Variants in ZNF317 observed in about 807,000 individuals in gnomAD.
The protein encoded by ZNF317 is zinc finger protein 317.
Under a neutral mutation model 23.4 loss-of-function variants are expected in ZNF317, and 17 were observed. That is an observed-to-expected ratio of 0.73 (90% CI 0.50 to 1.09). The LOEUF is 1.09. Among genes scored for constraint, ZNF317 ranks in the 50% least tolerant of loss-of-function variants. The pLI is 0.00. For synonymous variants in ZNF317, 317 were observed against 314.9 expected (o/e 1.01, Z -0.07); for missense variants, 679 against 796.7 (o/e 0.85, Z 1.78).
chr19:9,161,072 G>A lies in ZNF317; in HGVS notation c.1427G>A (p.Cys476Tyr), dbSNP rs371860809. 6.2e-7 allele frequency: 1 copy of A among 1,614,080 alleles called. No individual in the cohort carries two copies. The highest frequency in any genetic ancestry group is 8.5e-7 in the Non-Finnish European group (1 of 1,180,042). ...CACACGCAAGAGAGACGCTACGAAT[G>A]CGCCGCCTGCGGGAAAGTCTTCGGT... ...KIHTQERRYE[C>Y]AACGKVFGDY... The change falls in exon 7 of 7, where the codon TGC becomes TAC. Residue 476 changes from cysteine to tyrosine, a missense_variant. Transcript: ENST00000247956. The surrounding 1 kb of genome is among the most constrained non-coding windows in gnomAD (Gnocchi z 4.0).
In ZNF317 at chr19:9,160,833, G is replaced by A. The variant is rs1441793055; in HGVS notation, c.1188G>A (p.Gly396=). 6.2e-7 allele frequency: 1 copy of A among 1,614,194 alleles called. No individual in the cohort carries two copies. Among genetic ancestry groups the A allele is most frequent in the South Asian group, 1.1e-5 (1 of 91,086 alleles). The change falls in exon 7 of 7, where the codon GGG becomes GGA. Residue 396 remains glycine, a synonymous_variant. Coordinates refer to ENST00000247956, the MANE Select transcript of ZNF317 (RefSeq NM_020933.5). This position sits in a 1 kb window ranked among gnomAD's most constrained non-coding sequence, Gnocchi z 6.8. Reference sequence around the variant, plus strand: ...AGACCTACGAATGTAAAGAATGCGGGAAATCCTTTGGCGATCTCGTGTCCC... The same window carrying A: ...AGACCTACGAATGTAAAGAATGCGGAAAATCCTTTGGCGATCTCGTGTCCC... ...VEKTYECKEC[G]KSFGDLVSRR... is the part of the protein sequence containing the mutation.
At chr19:9,141,799 G>T (rs576383001) in intron 1 of ZNF317, among the ~76,000 whole-genome samples, 20 of 152,004 alleles carry the variant, frequency 1.3e-4, no homozygotes, top group East Asian at 3.9e-4. Flanking sequence ...AGTGTTTTTT[G>T]TTGTTGTTGT....
intron 1 of ZNF317, among the ~76,000 whole-genome samples, chr19:9,149,507 T>C: frequency 6.6e-6 from 1 of 151,646 alleles, no homozygotes; most frequent in Non-Finnish European, 1.5e-5. Flanking sequence ...GAATGCCAGA[T>C]CAGGACAGGT....
chr19:9,152,351 C>T (rs928304879), intron 1 of ZNF317, among the ~76,000 whole-genome samples: 2 of 152,184 alleles, frequency 1.3e-5, no homozygotes, highest in South Asian at 2.1e-4. Flanking sequence ...AAGCCCTGGG[C>T]CACAGACAGG....
chr19:9,159,309 A>G (rs534366372), intron 6 of ZNF317, among the ~76,000 whole-genome samples: 3 of 152,042 alleles, frequency 2.0e-5, no homozygotes, highest in Non-Finnish European at 4.4e-5. Context: ...CCCAGGCTCA[A>G]GCCATCCTCC....
rs986260879 is a variant in ZNF317 at position 9,162,572 on chromosome 19, C to T, written c.*1139C>T. 2 of 144,616 alleles carry T rather than the reference C, an allele frequency of 1.4e-5. No homozygotes were observed. Among genetic ancestry groups the T allele is most frequent in the African/African-American group, 2.6e-5 (1 of 37,806 alleles). The allele number at this position is 144,616 out of a possible 1,614,324, so 9.0% of individuals were successfully genotyped here. A position where few individuals can be genotyped will look rare whatever the true frequency, so the allele number is the denominator to read the frequency against. On this transcript the variant is annotated 3_prime_UTR_variant, in exon 7 of 7. Transcript: ENST00000247956. ...TCTTTCATCACGGAAACAGACCCCC[C>T]GAGAGAAGCCCCAACGAGATTTTCC...
rs530000493 is a variant in ZNF317, at chr19:9,153,404, C to A, written c.-92-2521C>A. Among the ~76,000 whole-genome samples the A allele has an allele frequency of 2.6e-5, 4 of 152,284 alleles. No homozygotes were observed. The South Asian group carries it at 8.3e-4, about 32-fold the overall frequency. Reference sequence around the variant, plus strand: ...TCTCGAACTCTCGACCTCAGGTGATCCACCCACCTTGGTCTCCCAAAGTGC... The same window carrying A: ...TCTCGAACTCTCGACCTCAGGTGATACACCCACCTTGGTCTCCCAAAGTGC... On this transcript the variant is annotated intron_variant, in intron 1 of 6. Coordinates refer to ENST00000247956, the MANE Select transcript of ZNF317 (RefSeq NM_020933.5).
intron 1 of ZNF317, among the ~76,000 whole-genome samples, chr19:9,141,220 C>T (rs1362046065): frequency 2.0e-5 from 3 of 152,056 alleles, no homozygotes; most frequent in South Asian, 2.1e-4. Flanking sequence ...GTGTCCTTTC[C>T]TATGCACATA....
chr19:9,152,483 C>T (rs2050744407), intron 1 of ZNF317, among the ~76,000 whole-genome samples: 1 of 152,200 alleles, frequency 6.6e-6, no homozygotes. Flanking sequence ...CTGAACTCCA[C>T]CTCCTGTCAG....
chr19:9,157,922 G>A, intron 4 of ZNF317, 58 bp from the exon 5 acceptor site: 4 of 1,528,760 alleles, frequency 2.6e-6, no homozygotes, highest in Non-Finnish European at 3.5e-6. Flanking sequence ...CCAGGCTACT[G>A]GAAGGGGTTG....
At chr19:9,153,112 T>C (rs995222927) in intron 1 of ZNF317, among the ~76,000 whole-genome samples, 4 of 152,194 alleles carry the variant, frequency 2.6e-5, no homozygotes, top group African/African-American at 9.6e-5. Context: ...TTCTTCACTT[T>C]TGCTTTCCCT....
At chr19:9,146,267 C>T (rs559995246) in intron 1 of ZNF317, among the ~76,000 whole-genome samples, 7 of 151,882 alleles carry the variant, frequency 4.6e-5, no homozygotes, top group Admixed American at 4.6e-4. Flanking sequence ...CTCCCCACCC[C>T]CTGGGACATC....
Position 9,157,340 on chromosome 19 carries a change from A to C in ZNF317, c.235A>C (p.Arg79=). 6.2e-7 allele frequency: 1 copy of C among 1,614,060 alleles called. No homozygotes were observed. The change falls in exon 4 of 7, where the codon AGA becomes CGA. Residue 79 remains arginine (R), a synonymous_variant. Coordinates refer to ENST00000247956, the MANE Select transcript of ZNF317 (RefSeq NM_020933.5). The stretch of plus-strand genomic sequence containing the variant: ...GTGGCCCTTGCTGGATTCTTCTCAG[A>C]GAAAACTGTACAAAGATGTAATGCT... ...KEWPLLDSSQ[R]KLYKDVMLEN...
At position 9,160,529 on chromosome 19, in the gene ZNF317, T is replaced by C; in HGVS notation, c.884T>C (p.Ile295Thr). The C allele has an allele frequency of 6.2e-7, 1 of 1,613,984 alleles. No homozygotes were observed. The highest frequency in any genetic ancestry group is 8.5e-7 in the Non-Finnish European group (1 of 1,180,016). ...TTCCGGACCCTCTCGGCCCTGAAAA[T>C]CCACATGCGAGTTCACACTGGCGAG... ...NAFRTLSALKIHMRVHTGERP... is the reference protein window; with the variant it reads ...NAFRTLSALKTHMRVHTGERP... The change falls in exon 7 of 7, where the codon ATC becomes ACC. Residue 295 changes from isoleucine (I) to threonine (T), a missense_variant. Ile to Thr is a moderately conservative substitution (Grantham distance 89, BLOSUM62 -1). Coordinates refer to ENST00000247956, the MANE Select transcript of ZNF317 (RefSeq NM_020933.5). This position sits in a 1 kb window ranked among gnomAD's most constrained non-coding sequence, Gnocchi z 6.8.
chr19:9,145,124 A>T (rs1002214712), intron 1 of ZNF317, among the ~76,000 whole-genome samples: 7 of 152,024 alleles, frequency 4.6e-5, no homozygotes, highest in Admixed American at 4.6e-4. Flanking sequence ...GTCTCACTGC[A>T]ACTTCTGCCT....
chr19:9,141,062 T>C (rs542985184), intron 1 of ZNF317, among the ~76,000 whole-genome samples: 1 of 147,484 alleles, frequency 6.8e-6, no homozygotes, highest in African/African-American at 2.6e-5. Context: ...CTTTTTTATT[T>C]ATTTTAATTT....
In ZNF317 at chr19:9,140,442, A is replaced by C. The variant is rs1405068223; in HGVS notation, c.-243A>C. On this transcript the variant is annotated 5_prime_UTR_variant, in exon 1 of 7. Transcript: ENST00000247956. Reference sequence around the variant, plus strand: ...TCTCTGGAGTCGATTGCCCCGAGACACATGGGCCAAGGAGGGGTCAGCGGC... The same window carrying C: ...TCTCTGGAGTCGATTGCCCCGAGACCCATGGGCCAAGGAGGGGTCAGCGGC... The C allele has an allele frequency of 2.2e-6, 1 of 453,088 alleles. No individual in the cohort carries two copies. Among genetic ancestry groups the C allele is most frequent in the Non-Finnish European group, 4.4e-6 (1 of 225,318 alleles). The allele number at this position is 453,088 out of a possible 1,614,324, so 28.1% of individuals were successfully genotyped here. A position where few individuals can be genotyped will look rare whatever the true frequency, so the allele number is the denominator to read the frequency against.
At chr19:9,150,633 T>C (rs1361723807) in intron 1 of ZNF317, among the ~76,000 whole-genome samples, 1 of 152,064 alleles carries the variant, frequency 6.6e-6, no homozygotes, top group Non-Finnish European at 1.5e-5. Flanking sequence ...GCCAGAGTCT[T>C]CAAAAGAGCA....
chr19:9,144,336 T>C (rs1354131215), intron 1 of ZNF317, among the ~76,000 whole-genome samples: 2 of 152,188 alleles, frequency 1.3e-5, no homozygotes, highest in Non-Finnish European at 2.9e-5. Context: ...ATATCTCTTG[T>C]ACGTAGCATA....
Sources: gnomAD v4.1 joint callset for allele counts (sites outside exome capture counted in the v4.1 genomes callset) on GRCh38, gnomAD v4.1.1 for gene constraint, Gnocchi (gnomAD v3.1) non-coding constraint, MANE v1.5 for transcripts, NCBI Gene and HGNC (gene_info 2026-07-23, HGNC 2026-07-21) for gene names.